The following CACNG2 variants were observed in gnomAD, a reference collection of about 807,000 sequenced individuals.
CACNG2 encodes voltage-dependent calcium channel gamma-2 subunit.
In CACNG2, 3 loss-of-function variants were observed where a neutral mutation model predicts 25.9. The ratio of observed to expected loss-of-function variants is 0.12; its 90% confidence interval spans 0.05 to 0.30. The LOEUF is 0.30. Ranked by LOEUF, CACNG2 falls within the 10% of genes least tolerant of loss-of-function variation. The probability of loss-of-function intolerance (pLI) is 1.00; values close to 1 mark genes in which losing one functional copy is unlikely to be tolerated. For synonymous variants in CACNG2, 167 were observed against 173.3 expected (o/e 0.96, Z 0.29); for missense variants, 341 against 432.5 (o/e 0.79, Z 1.88).
chr22:36,662,660 TTTAGCCTGGGC>T (rs1290806779), intron 1 of CACNG2, among the ~76,000 whole-genome samples: 1 of 152,208 alleles, frequency 6.6e-6, no homozygotes, highest in African/African-American at 2.4e-5. Flanking sequence ...TAGGTTCTCC[TTTAGCCTGGGC>T]TTACCTATAC....
intron 1 of CACNG2, among the ~76,000 whole-genome samples, chr22:36,631,521 C>A (rs1936270972): frequency 6.6e-6 from 1 of 152,142 alleles, no homozygotes; most frequent in Admixed American, 6.5e-5. Context: ...ATGAAGTGGT[C>A]CTGTGACCCA....
chr22:36,567,451 G>A (rs1315957345), intron 2 of CACNG2, among the ~76,000 whole-genome samples: 1 of 152,126 alleles, frequency 6.6e-6, no homozygotes, highest in Non-Finnish European at 1.5e-5. Context: ...GAAGGAACAG[G>A]CACATTGCAA....
intron 1 of CACNG2, among the ~76,000 whole-genome samples, chr22:36,667,712 C>A (rs541709104): frequency 6.6e-6 from 1 of 152,244 alleles, no homozygotes; most frequent in Admixed American, 6.5e-5. Flanking sequence ...CTACATTTCG[C>A]CTTCATGTCG....
At chr22:36,625,525 C>A (rs1368017231) in intron 1 of CACNG2, among the ~76,000 whole-genome samples, 2 of 152,166 alleles carry the variant, frequency 1.3e-5, no homozygotes, top group African/African-American at 4.8e-5. Flanking sequence ...TAAGTATTGT[C>A]CAGCGAATGA....
At chr22:36,612,450 G>T (rs1156847106) in intron 1 of CACNG2, among the ~76,000 whole-genome samples, 1 of 152,162 alleles carries the variant, frequency 6.6e-6, no homozygotes, top group Middle Eastern at 3.2e-3. Flanking sequence ...TACTCTGCCT[G>T]GAGTAAAAGA....
At chr22:36,699,234 A>C (rs1006924321) in intron 1 of CACNG2, among the ~76,000 whole-genome samples, 15 of 100,770 alleles carry the variant, frequency 1.5e-4, no homozygotes, top group African/African-American at 4.9e-4. Flanking sequence ...GGGGATTTCA[A>C]GTTCACACAC....
chr22:36,654,459 T>C (rs1057202139), intron 1 of CACNG2, among the ~76,000 whole-genome samples: 2 of 152,254 alleles, frequency 1.3e-5, no homozygotes, highest in South Asian at 2.1e-4. Flanking sequence ...CTTGAACTCC[T>C]GGGCCCAAGT....
At chr22:36,649,468 A>G (rs1936575717) in intron 1 of CACNG2, among the ~76,000 whole-genome samples, 1 of 151,780 alleles carries the variant, frequency 6.6e-6, no homozygotes, top group South Asian at 2.1e-4. Flanking sequence ...ATTTTTTTGT[A>G]TTTTTAGTAG....
chr22:36,621,844 G>T (rs576708387), intron 1 of CACNG2, among the ~76,000 whole-genome samples: 2 of 152,142 alleles, frequency 1.3e-5, no homozygotes, highest in South Asian at 2.1e-4. Flanking sequence ...TAACTAGAGC[G>T]GCATTAAAAA....
At chr22:36,628,974 G>A (rs2145956371) in intron 1 of CACNG2, among the ~76,000 whole-genome samples, 1 of 141,246 alleles carries the variant, frequency 7.1e-6, no homozygotes, top group Middle Eastern at 3.4e-3. Flanking sequence ...ACCCCAGGGA[G>A]AGCTTGGCAT....
intron 1 of CACNG2, among the ~76,000 whole-genome samples, chr22:36,630,838 G>T (rs376995577): frequency 6.6e-6 from 1 of 151,974 alleles, no homozygotes; most frequent in Non-Finnish European, 1.5e-5. Context: ...TGAGCTATTT[G>T]TTTATTTATT....
intron 1 of CACNG2, among the ~76,000 whole-genome samples, chr22:36,650,537 C>G (rs1159721205): frequency 6.6e-6 from 1 of 152,006 alleles, no homozygotes; most frequent in African/African-American, 2.4e-5. Context: ...CCACACCCAG[C>G]TAATATTTTT....
rs963811961 is a variant in CACNG2 at position 36,606,001 on chromosome 22, G to T, written c.212-18453C>A. 2.0e-5 allele frequency among the ~76,000 whole-genome samples: 3 copies of T among 152,216 alleles called. No individual in the cohort carries two copies. Among genetic ancestry groups the T allele is most frequent in the Admixed American group, 2.0e-4 (3 of 15,286 alleles). On this transcript the variant is annotated intron_variant, in intron 1 of 3. Coordinates refer to ENST00000300105, the MANE Select transcript of CACNG2 (RefSeq NM_006078.5). This position sits in a 1 kb window ranked among gnomAD's most constrained non-coding sequence, Gnocchi z 5.7. ...TCTTAAGAAGCCCTGTGGTGTGGTG[G>T]CTGTGCCTCTCGCAGGAGAGCGTGG...
rs191091757 is a variant in CACNG2, at chr22:36,691,616, T to C, written c.211+10750A>G. 3.2e-4 allele frequency among the ~76,000 whole-genome samples: 48 copies of C among 152,258 alleles called. No individual in the cohort carries two copies. The East Asian group carries it at 8.9e-3, about 28-fold the overall frequency. On this transcript the variant is annotated intron_variant, in intron 1 of 3. Transcript: ENST00000300105. ...AGAAGGCTGTACACAGGTTTTGGGG[T>C]TGGACAGGCTTGGGTTGGAATCCCA...
chr22:36,663,960 C>A (rs1015778252), intron 1 of CACNG2, among the ~76,000 whole-genome samples: 7 of 152,172 alleles, frequency 4.6e-5, no homozygotes, highest in African/African-American at 7.2e-5. Context: ...TAGGAGGGAA[C>A]ATACCTGAGT....
At chr22:36,699,275 A>ACACACACACAGACTTTT (rs1555902360) in intron 1 of CACNG2, among the ~76,000 whole-genome samples, 3 of 147,660 alleles carry the variant, frequency 2.0e-5, no homozygotes, top group African/African-American at 7.4e-5. Context: ...ACACACACAC[A>ACACACACACAGACTTTT]CAGACTTTTC....
At chr22:36,694,574 C>T (rs185919385) in intron 1 of CACNG2, among the ~76,000 whole-genome samples, 60 of 152,288 alleles carry the variant, frequency 3.9e-4, no homozygotes, top group African/African-American at 1.4e-3. Context: ...TAAAATATGC[C>T]AAGAATCTCT....
intron 1 of CACNG2, among the ~76,000 whole-genome samples, chr22:36,655,777 C>CT (rs1936695549): frequency 9.4e-6 from 1 of 106,948 alleles, no homozygotes; most frequent in African/African-American, 4.0e-5. Flanking sequence ...TCTTTCTTTC[C>CT]TTCCTTCCTT....
rs754715726 is a variant in CACNG2 at position 36,566,384 on chromosome 22, G to T, written c.405C>A (p.Ile135=). ...ACACGAAGAAGATGCCGGCACTCAGGATGATGTTGTGTCGAGTTTTGTAGA... is the reference window on the plus strand; with the variant it reads ...ACACGAAGAAGATGCCGGCACTCAGTATGATGTTGTGTCGAGTTTTGTAGA... ...SEFYKTRHNI[I]LSAGIFFVSA... The change falls in exon 3 of 4, where the codon ATC becomes ATA. Residue 135 remains isoleucine, a synonymous_variant. Coordinates refer to ENST00000300105, the MANE Select transcript of CACNG2 (RefSeq NM_006078.5). 1.2e-6 allele frequency: 2 copies of T among 1,614,054 alleles called. No homozygotes were observed.
Sources: allele counts gnomAD v4.1 joint callset (sites outside exome capture counted in the v4.1 genomes callset), GRCh38; gene constraint gnomAD v4.1.1; non-coding constraint Gnocchi (gnomAD v3.1); transcripts MANE v1.5; gene names NCBI Gene and HGNC (gene_info 2026-07-23, HGNC 2026-07-21).